The following KAZN variants were observed in gnomAD, a reference collection of about 807,000 sequenced individuals.
KAZN encodes the protein kazrin.
A neutral mutation model predicts 87.4 loss-of-function variants in KAZN; 40 were observed. That is an observed-to-expected ratio of 0.46 (90% CI 0.36 to 0.60). KAZN has a LOEUF of 0.60. Ranked by LOEUF, KAZN falls within the 20% of genes least tolerant of loss-of-function variation. KAZN has a pLI of 0.00. For missense variants in KAZN, 898 were observed against 1,073.9 expected, an observed-to-expected ratio of 0.84 and a Z score of 2.29; for synonymous variants, 466 against 458.3, an observed-to-expected ratio of 1.02 and a Z score of -0.22.
chr1:14,500,240 G>T (rs773377575), intron 2 of KAZN, among the ~76,000 whole-genome samples: 2 of 152,144 alleles, frequency 1.3e-5, no homozygotes, highest in African/African-American at 4.8e-5. Flanking sequence ...CCCTGGGAGA[G>T]TCATATCCTA....
At chr1:14,717,770 AG>A in intron 1 of KAZN, among the ~76,000 whole-genome samples, 1 of 152,308 alleles carries the variant, frequency 6.6e-6, no homozygotes, top group Non-Finnish European at 1.5e-5. Flanking sequence ...GGGGAAACTG[AG>A]GCCCAAGAGG....
At chr1:14,837,330 G>A (rs1647366235) in intron 1 of KAZN, among the ~76,000 whole-genome samples, 1 of 151,722 alleles carries the variant, frequency 6.6e-6, no homozygotes, top group Admixed American at 6.6e-5. Context: ...TCCCCGAGTA[G>A]CTGGGATTAC....
intron 1 of KAZN, among the ~76,000 whole-genome samples, chr1:14,038,070 C>G (rs2884824): frequency 0.037 from 5,610 of 152,288 alleles, 159 homozygotes; most frequent in Non-Finnish European, 0.058. Flanking sequence ...CATCCATCCA[C>G]TTATTTATTT....
rs774344838 is a variant in KAZN, at chr1:14,960,827, C to T, written c.370C>T (p.Leu124=). 2 of 1,613,038 alleles carry T rather than the reference C, an allele frequency of 1.2e-6. No homozygotes were observed. Among genetic ancestry groups the T allele is most frequent in the East Asian group, 2.2e-5 (1 of 44,874 alleles). The change falls in exon 2 of 15, where the codon CTG becomes TTG. Residue 124 remains leucine, a synonymous_variant. Coordinates refer to ENST00000376030, the MANE Select transcript of KAZN (RefSeq NM_201628.3). ...CTCGGCCACCGAGCTCAGGGTCCAGCTGGCCCAGAAGGAGCAGGAGCTAGC... is the reference window on the plus strand; with the variant it reads ...CTCGGCCACCGAGCTCAGGGTCCAGTTGGCCCAGAAGGAGCAGGAGCTAGC... The part of the protein sequence containing the change: ...VLSATELRVQ[L]AQKEQELARA...
intron 1 of KAZN, among the ~76,000 whole-genome samples, chr1:14,940,518 G>A (rs987486230): frequency 2.2e-4 from 34 of 152,322 alleles, no homozygotes; most frequent in Non-Finnish European, 4.3e-4. Flanking sequence ...CCCAGCCAGG[G>A]CAGAGTAGAA....
In KAZN at chr1:14,089,445, C is replaced by T. The variant is rs141034704; in HGVS notation, c.92-90990C>T. Among the ~76,000 whole-genome samples the T allele has an allele frequency of 3.1e-3, 472 of 152,024 alleles. 2 individuals are homozygous for T. Among genetic ancestry groups the T allele is most frequent in the African/African-American group, 0.011 (437 of 41,500 alleles). ...TCTTTACTTTAGCTTATTAGCCATT[C>T]ATCATTGTCCATTTAAACAAATAGC... is the stretch of plus-strand genomic sequence containing the variant. On this transcript the variant is annotated intron_variant, in intron 1 of 16. Coordinates refer to the KAZN transcript ENST00000636203.
At chr1:14,531,752 G>A (rs891172879) in intron 2 of KAZN, among the ~76,000 whole-genome samples, 4 of 152,200 alleles carry the variant, frequency 2.6e-5, no homozygotes, top group African/African-American at 9.7e-5. Context: ...CGACTGAACA[G>A]CAAGGGAAGC....
At chr1:13,922,247 T>C (rs1261055753) in intron 1 of KAZN, among the ~76,000 whole-genome samples, 1 of 152,156 alleles carries the variant, frequency 6.6e-6, no homozygotes, top group Non-Finnish European at 1.5e-5. Flanking sequence ...CCCCAACTCT[T>C]GTATTTTTCC....
intron 2 of KAZN, among the ~76,000 whole-genome samples, chr1:14,571,422 A>G (rs1390457278): frequency 6.6e-6 from 1 of 152,092 alleles, no homozygotes; most frequent in Non-Finnish European, 1.5e-5. Context: ...ACTCTGCAAA[A>G]ATTGCTAAGT....
At chr1:14,320,165 C>T (rs900930758) in intron 2 of KAZN, among the ~76,000 whole-genome samples, 1 of 152,078 alleles carries the variant, frequency 6.6e-6, no homozygotes, top group African/African-American at 2.4e-5. Context: ...GTAACCCACA[C>T]CCATGTGTCT....
rs1212285251 is a variant in KAZN, at chr1:15,096,766, C to T, written c.1547+1833C>T. Reference sequence around the variant, plus strand: ...AGAGAGTGATGTCTCTGGTCTCTTCCTGTAAGGACAATAATCCCATCATGA... The same window carrying T: ...AGAGAGTGATGTCTCTGGTCTCTTCTTGTAAGGACAATAATCCCATCATGA... On this transcript the variant is annotated intron_variant, in intron 10 of 14. Transcript: ENST00000376030. The surrounding 1 kb of genome is among the most constrained non-coding windows in gnomAD (Gnocchi z 4.5). Among the ~76,000 whole-genome samples, 1 of 152,170 alleles carries T rather than the reference C, an allele frequency of 6.6e-6. No individual in the cohort carries two copies. The highest frequency in any genetic ancestry group is 1.5e-5 in the Non-Finnish European group (1 of 68,032).
chr1:14,725,464 T>C (rs965085576), intron 1 of KAZN, among the ~76,000 whole-genome samples: 1 of 152,050 alleles, frequency 6.6e-6, no homozygotes, highest in African/African-American at 2.4e-5. Context: ...AGCTGTCTTT[T>C]TTTTTTTTTC....
intron 13 of KAZN, among the ~76,000 whole-genome samples, chr1:15,110,122 T>C (rs1445493247): frequency 6.6e-6 from 1 of 151,164 alleles, no homozygotes; most frequent in African/African-American, 2.4e-5. Context: ...TGTGTGTATT[T>C]GTGTATGTGT....
At position 14,181,458 on chromosome 1, in the gene KAZN, C is replaced by T. The variant is rs547423605; in HGVS notation, c.249+866C>T. On this transcript the variant is annotated intron_variant, in intron 2 of 16. Transcript: ENST00000636203. ...TGTGGTTTCTTTGCTTTTGTTTCTACGCTGGTAGTGGTTTATGTTTTATTT... is the reference window on the plus strand; with the variant it reads ...TGTGGTTTCTTTGCTTTTGTTTCTATGCTGGTAGTGGTTTATGTTTTATTT... 5.9e-5 allele frequency among the ~76,000 whole-genome samples: 9 copies of T among 152,252 alleles called. No individual in the cohort carries two copies. In the East Asian group the frequency reaches 7.7e-4, roughly 13 times the overall value.
intron 2 of KAZN, among the ~76,000 whole-genome samples, chr1:14,260,268 C>T (rs749623468): frequency 1.3e-5 from 2 of 152,082 alleles, no homozygotes; most frequent in East Asian, 1.9e-4. Flanking sequence ...AGGAGGCACA[C>T]GATAAACAAA....
intron 1 of KAZN, among the ~76,000 whole-genome samples, chr1:14,916,133 C>CATTATT (rs1326788599): frequency 2.1e-4 from 31 of 146,512 alleles, no homozygotes; most frequent in African/African-American, 6.8e-4. Context: ...AAATGTTTGC[C>CATTATT]ATTATTATTA....
chr1:14,185,706 G>T (rs1646289832), intron 2 of KAZN, among the ~76,000 whole-genome samples: 1 of 152,136 alleles, frequency 6.6e-6, no homozygotes, highest in Non-Finnish European at 1.5e-5. Flanking sequence ...GCATTGCCAG[G>T]CTTAGATGCA....
At chr1:14,176,647 G>A (rs1646081958) in intron 1 of KAZN, among the ~76,000 whole-genome samples, 2 of 152,106 alleles carry the variant, frequency 1.3e-5, no homozygotes, top group Non-Finnish European at 2.9e-5. Context: ...CCCATGCAAC[G>A]AGGCACAGCT....
intron 2 of KAZN, among the ~76,000 whole-genome samples, chr1:15,024,241 G>A (rs75354212): frequency 0.012 from 1,829 of 152,248 alleles, 33 homozygotes; most frequent in South Asian, 0.064. Context: ...GAGGTCAAGC[G>A]AAGACTTGTC....
Sources: allele counts gnomAD v4.1 joint callset (sites outside exome capture counted in the v4.1 genomes callset), GRCh38; gene constraint gnomAD v4.1.1; non-coding constraint Gnocchi (gnomAD v3.1); transcripts MANE v1.5; gene names NCBI Gene and HGNC (gene_info 2026-07-23, HGNC 2026-07-21).